The following DIAPH2 variants were observed in gnomAD, a reference collection of about 807,000 sequenced individuals.
DIAPH2 encodes the protein diaphanous related formin 2.
Under a neutral mutation model 92.7 loss-of-function variants are expected in DIAPH2, and 35 were observed. The observed-to-expected ratio is 0.38, with a 90% CI of 0.29 to 0.50. The LOEUF is 0.50. Ranked by LOEUF, DIAPH2 falls within the 20% of genes least tolerant of loss-of-function variation. The probability of loss-of-function intolerance (pLI) is 0.94; values close to 1 mark genes in which losing one functional copy is unlikely to be tolerated. For synonymous variants in DIAPH2, 301 were observed against 280.4 expected (o/e 1.07, Z -0.73); for missense variants, 701 against 819.5 (o/e 0.86, Z 1.77).
At position 97,293,502 on chromosome X, in the gene DIAPH2, T is replaced by TC. The variant is rs1208240351; in HGVS notation, c.2844+45663_2844+45664insC. On this transcript the variant is annotated intron_variant, in intron 23 of 26. Coordinates refer to ENST00000324765, the MANE Select transcript of DIAPH2 (RefSeq NM_006729.5). ...TCCTGACCTCGTAATCTGCCCACCTTGGCCTCCCAAAGTGTTGGGATTACA... is the reference window on the plus strand; with the variant it reads ...TCCTGACCTCGTAATCTGCCCACCTTCGGCCTCCCAAAGTGTTGGGATTACA... 3.6e-5 allele frequency among the ~76,000 whole-genome samples: 4 copies of TC among 111,021 alleles called. No homozygotes were observed. In the Admixed American group the frequency reaches 3.9e-4, roughly 11 times the overall value.
chrX:96,723,580 T>A (rs1395190148), intron 1 of DIAPH2, among the ~76,000 whole-genome samples: 1 of 112,034 alleles, frequency 8.9e-6, no homozygotes, highest in Non-Finnish European at 1.9e-5. Flanking sequence ...GTATTATAGA[T>A]TTTTATAGGA....
chrX:97,583,820 A>G (rs1327581620), intron 26 of DIAPH2, among the ~76,000 whole-genome samples: 1 of 111,296 alleles, frequency 9.0e-6, no homozygotes, highest in Admixed American at 9.4e-5. Flanking sequence ...GCTAGCAATC[A>G]GCGAGACTCG....
chrX:97,585,730 C>A (rs954273071), intron 26 of DIAPH2, among the ~76,000 whole-genome samples: 4 of 111,428 alleles, frequency 3.6e-5, no homozygotes, highest in African/African-American at 1.3e-4. Flanking sequence ...AAGTTATATT[C>A]ATTGCCTCCA....
chrX:97,301,261 A>G (rs948015357), intron 23 of DIAPH2, among the ~76,000 whole-genome samples: 2 of 110,500 alleles, frequency 1.8e-5, no homozygotes, highest in South Asian at 3.8e-4. Flanking sequence ...TAAGATGTAT[A>G]TGTACAGTTA....
At chrX:97,020,016 C>T in intron 17 of DIAPH2, among the ~76,000 whole-genome samples, 1 of 112,316 alleles carries the variant, frequency 8.9e-6, no homozygotes, top group Non-Finnish European at 1.9e-5. Context: ...AATGCCATTT[C>T]AACTGAAACA....
intron 26 of DIAPH2, among the ~76,000 whole-genome samples, chrX:97,538,162 G>T (rs1162208475): frequency 9.0e-6 from 1 of 111,186 alleles, no homozygotes; most frequent in Non-Finnish European, 1.9e-5. Flanking sequence ...GGGATTACAG[G>T]TGTGAGCCAC....
At chrX:96,959,107 C>T (rs1307186456) in intron 16 of DIAPH2, among the ~76,000 whole-genome samples, 2 of 111,432 alleles carry the variant, frequency 1.8e-5, no homozygotes, top group East Asian at 5.6e-4. Flanking sequence ...TGTATAAATA[C>T]TCAGTGGTCA....
chrX:96,828,051 T>C (rs1235681877), intron 4 of DIAPH2, among the ~76,000 whole-genome samples: 1 of 112,018 alleles, frequency 8.9e-6, no homozygotes, highest in Non-Finnish European at 1.9e-5. Context: ...ATTACAGGCG[T>C]GAGCCACCGC....
intron 22 of DIAPH2, among the ~76,000 whole-genome samples, chrX:97,173,849 G>T (rs1480901505): frequency 9.2e-6 from 1 of 108,243 alleles, no homozygotes; most frequent in Non-Finnish European, 1.9e-5. Flanking sequence ...AGCTGAGGCT[G>T]CAGTGAGTCA....
In DIAPH2 at chrX:97,354,555, T is replaced by A. The variant is rs369918549; in HGVS notation, c.3009+6275T>A. Among the ~76,000 whole-genome samples the A allele has an allele frequency of 1.7e-4, 19 of 112,020 alleles. No homozygotes were observed. The East Asian group carries it at 5.3e-3, about 32-fold the overall frequency. ...GCCTGGCTAATTTTTGTATTTTTAG[T>A]AGGAGACGGGGTTTCGCCATGTTGG... On this transcript the variant is annotated intron_variant, in intron 24 of 26. Transcript: ENST00000324765.
intron 26 of DIAPH2, among the ~76,000 whole-genome samples, chrX:97,459,702 G>A (rs1306670682): frequency 1.8e-5 from 2 of 111,474 alleles, no homozygotes; most frequent in Admixed American, 9.5e-5. Context: ...TTAATTTTAC[G>A]TATCAACAAA....
intron 26 of DIAPH2, chrX:97,442,627 C>T (rs1201858294): frequency 2.7e-5 from 3 of 112,456 alleles, no homozygotes; most frequent in Admixed American, 1.9e-4. Flanking sequence ...GCTTGCTTTA[C>T]AGCAGAATCC....
intron 5 of DIAPH2, among the ~76,000 whole-genome samples, chrX:96,907,158 C>A (rs1269192025): frequency 9.0e-6 from 1 of 111,649 alleles, no homozygotes; most frequent in Non-Finnish European, 1.9e-5. Context: ...CATAGCCCAT[C>A]CAAAAAGAAA....
At chrX:96,795,283 T>A (rs1457022040) in intron 4 of DIAPH2, among the ~76,000 whole-genome samples, 1 of 111,564 alleles carries the variant, frequency 9.0e-6, no homozygotes, top group Non-Finnish European at 1.9e-5. Flanking sequence ...AATAAAAAAA[T>A]TTGAGGGAAA....
intron 4 of DIAPH2, among the ~76,000 whole-genome samples, chrX:96,769,732 G>A (rs980700226): frequency 9.0e-6 from 1 of 111,674 alleles, no homozygotes; most frequent in African/African-American, 3.3e-5. Flanking sequence ...AATAGTGAAG[G>A]TCAGATACAA....
chrX:97,069,277 T>A (rs898872741), intron 17 of DIAPH2, among the ~76,000 whole-genome samples: 2 of 111,326 alleles, frequency 1.8e-5, no homozygotes, highest in Admixed American at 1.9e-4. Context: ...GGAAGGGACA[T>A]CCTTTTAATT....
chrX:97,058,107 T>G (rs746321596), intron 17 of DIAPH2, among the ~76,000 whole-genome samples: 1 of 111,913 alleles, frequency 8.9e-6, no homozygotes, highest in East Asian at 2.8e-4. Flanking sequence ...TATGTATTGA[T>G]GCAACATGGA....
intron 26 of DIAPH2, among the ~76,000 whole-genome samples, chrX:97,591,810 G>A (rs2071519068): frequency 8.9e-6 from 1 of 111,941 alleles, no homozygotes; most frequent in African/African-American, 3.2e-5. Context: ...GAGAAAATCT[G>A]TCTTACGACC....
At chrX:97,073,088 G>A (rs1257153835) in intron 18 of DIAPH2, 46 bp downstream of exon 18, 3 of 870,231 alleles carry the variant, frequency 3.4e-6, no homozygotes, top group African/African-American at 2.0e-5. Flanking sequence ...AACGGTGAGA[G>A]GGGTGGGAGC....
Sources: gnomAD v4.1 joint callset for allele counts (sites outside exome capture counted in the v4.1 genomes callset) on GRCh38, gnomAD v4.1.1 for gene constraint, MANE v1.5 for transcripts, NCBI Gene and HGNC (gene_info 2026-07-23, HGNC 2026-07-21) for gene names.